The following EXT1 variants were observed in gnomAD, a reference collection of about 807,000 sequenced individuals.
The protein encoded by EXT1 is exostosin-1.
Under a neutral mutation model 82.5 loss-of-function variants are expected in EXT1, and 20 were observed. The ratio of observed to expected loss-of-function variants is 0.24; its 90% CI spans 0.17 to 0.35. The LOEUF (loss-of-function observed/expected upper bound fraction) is 0.35. Ranked by LOEUF, EXT1 falls within the 10% of genes least tolerant of loss-of-function variation. EXT1 has a pLI of 1.00. For missense variants in EXT1, 757 were observed against 936.5 expected (o/e 0.81, Z 2.50); for synonymous variants, 348 against 350.8 (o/e 0.99, Z 0.09).
At chr8:118,023,170 C>T (rs911488300) in intron 1 of EXT1, among the ~76,000 whole-genome samples, 1 of 152,150 alleles carries the variant, frequency 6.6e-6, no homozygotes, top group African/African-American at 2.4e-5. Flanking sequence ...ATAAAGTTTA[C>T]TTTTGTATTA....
chr8:118,042,704 C>T (rs1457482928), intron 1 of EXT1, among the ~76,000 whole-genome samples: 1 of 152,172 alleles, frequency 6.6e-6, no homozygotes, highest in African/African-American at 2.4e-5. Context: ...TATTTCCATT[C>T]AACTTATATC....
intron 1 of EXT1, among the ~76,000 whole-genome samples, chr8:117,946,492 T>C (rs1442345264): frequency 1.3e-5 from 2 of 152,180 alleles, no homozygotes; most frequent in Non-Finnish European, 2.9e-5. Context: ...CTCCTGAAGC[T>C]GGTCACAGAG....
chr8:117,827,491 T>C (rs1257016970), intron 4 of EXT1, among the ~76,000 whole-genome samples: 2 of 151,930 alleles, frequency 1.3e-5, no homozygotes, highest in Admixed American at 6.6e-5. Flanking sequence ...CAAAGATACA[T>C]AAAAACGTCA....
At chr8:118,032,856 A>G (rs1385693880) in intron 1 of EXT1, among the ~76,000 whole-genome samples, 1 of 152,198 alleles carries the variant, frequency 6.6e-6, no homozygotes, top group Non-Finnish European at 1.5e-5. Context: ...CCCCAGGTAT[A>G]TAATTTTATA....
At chr8:117,926,513 G>A (rs1057066253) in intron 1 of EXT1, among the ~76,000 whole-genome samples, 2 of 152,210 alleles carry the variant, frequency 1.3e-5, no homozygotes, top group African/African-American at 4.8e-5. Context: ...ATGGCTAGAA[G>A]TGGGATGCAG....
chr8:117,904,449 T>G (rs17504205), intron 1 of EXT1, among the ~76,000 whole-genome samples: 7,600 of 152,252 alleles, frequency 0.05, 636 homozygotes, highest in African/African-American at 0.17. Flanking sequence ...GTAAGTCACT[T>G]TAAGGCATAA....
At chr8:117,934,238 CA>C (rs149229974) in intron 1 of EXT1, among the ~76,000 whole-genome samples, 9,144 of 148,754 alleles carry the variant, frequency 0.061, 965 homozygotes, top group African/African-American at 0.22. Context: ...CAGCACTTAG[CA>C]AAAAAAAGTA....
intron 1 of EXT1, among the ~76,000 whole-genome samples, chr8:118,011,015 G>A (rs188005509): frequency 7.2e-5 from 11 of 152,322 alleles, no homozygotes; most frequent in Non-Finnish European, 1.5e-4. Flanking sequence ...GGAAATGGGA[G>A]AGCCATCAAG....
chr8:117,864,754 A>G (rs545288433), intron 1 of EXT1, among the ~76,000 whole-genome samples: 36 of 151,284 alleles, frequency 2.4e-4, no homozygotes, highest in Non-Finnish European at 5.0e-4. Flanking sequence ...GCCTCAAAAA[A>G]AAAAAAAAAA....
intron 1 of EXT1, among the ~76,000 whole-genome samples, chr8:117,973,815 G>T (rs1235893397): frequency 1.7e-5 from 1 of 58,136 alleles, no homozygotes; most frequent in Admixed American, 2.0e-4. Flanking sequence ...GGAAAGGAAA[G>T]GAAAGGAAAG....
rs148514618 is a variant in EXT1 at position 117,894,786 on chromosome 8, C to T, written c.963-57585G>A. Among the ~76,000 whole-genome samples, 64 of 152,274 alleles carry T rather than the reference C, an allele frequency of 4.2e-4. No individual in the cohort carries two copies. The South Asian group carries it at 5.6e-3, about 13-fold the overall frequency. ...GAGAGGCTGCGACTGATCTGGACTG[C>T]GGCAAATTAAATGTGTTATAGGCAA... is the stretch of plus-strand genomic sequence containing the variant. On this transcript the variant is annotated intron_variant, in intron 1 of 10. Transcript: ENST00000378204.
At chr8:118,059,592 A>C (rs1289222790) in intron 1 of EXT1, among the ~76,000 whole-genome samples, 1 of 152,246 alleles carries the variant, frequency 6.6e-6, no homozygotes, top group Non-Finnish European at 1.5e-5. Context: ...CAGAGGCAGC[A>C]GCAGCTTTTG....
intron 1 of EXT1, among the ~76,000 whole-genome samples, chr8:118,074,098 G>A (rs1817157513): frequency 6.6e-6 from 1 of 152,002 alleles, no homozygotes; most frequent in African/African-American, 2.4e-5. Flanking sequence ...GTGGGAGTGG[G>A]GGTGAGGGTG....
chr8:118,068,031 A>G (rs1285972199), intron 1 of EXT1, among the ~76,000 whole-genome samples: 1 of 152,222 alleles, frequency 6.6e-6, no homozygotes, highest in Non-Finnish European at 1.5e-5. Context: ...AAGGGCCCCC[A>G]CTATATATCT....
At position 117,794,979 on chromosome 8, in the gene EXT1, C is replaced by T. The variant is rs1823070167; in HGVS notation, c.*4733G>A. 6.6e-6 allele frequency: 1 copy of T among 152,074 alleles called. No homozygotes were observed. Among genetic ancestry groups the T allele is most frequent in the African/African-American group, 2.4e-5 (1 of 41,398 alleles). The allele number at this position is 152,074 out of a possible 1,614,324, so 9.4% of individuals were successfully genotyped here. ...ATGGTAACCAGGTCATTTGCATAGC[C>T]CTAGTTTTAGTAATAGTTACAACCG... On this transcript the variant is annotated 3_prime_UTR_variant, in exon 11 of 11. Coordinates refer to ENST00000378204, the MANE Select transcript of EXT1 (RefSeq NM_000127.3).
At chr8:117,896,068 C>T (rs1220298094) in intron 1 of EXT1, among the ~76,000 whole-genome samples, 2 of 152,222 alleles carry the variant, frequency 1.3e-5, no homozygotes, top group South Asian at 2.1e-4. Context: ...TGGAACCTCA[C>T]AAGAATTGAT....
At chr8:118,033,970 A>T (rs1032095289) in intron 1 of EXT1, among the ~76,000 whole-genome samples, 1 of 152,226 alleles carries the variant, frequency 6.6e-6, no homozygotes, top group African/African-American at 2.4e-5. Context: ...GAAGCTAAGG[A>T]TTAATTTGGA....
intron 1 of EXT1, among the ~76,000 whole-genome samples, chr8:118,078,827 C>G (rs10955853): frequency 0.35 from 53,475 of 151,960 alleles, 10,489 homozygotes; most frequent in Admixed American, 0.45. Flanking sequence ...AAAAAAGTCT[C>G]AAGTGAAAGA....
At chr8:118,053,404 A>C (rs1464148679) in intron 1 of EXT1, among the ~76,000 whole-genome samples, 1 of 152,170 alleles carries the variant, frequency 6.6e-6, no homozygotes, top group East Asian at 1.9e-4. Context: ...GTTCAAAAAG[A>C]CTTCACTTTT....
Sources: gnomAD v4.1 joint callset for allele counts (sites outside exome capture counted in the v4.1 genomes callset) on GRCh38, gnomAD v4.1.1 for gene constraint, MANE v1.5 for transcripts, NCBI Gene and HGNC (gene_info 2026-07-23, HGNC 2026-07-21) for gene names.